SNX29: variants seen among roughly 807,000 people sequenced by gnomAD.
SNX29 encodes sorting nexin 29.
Under a neutral mutation model 102.1 loss-of-function variants are expected in SNX29, and 78 were observed. The ratio of observed to expected loss-of-function variants is 0.76; its 90% CI spans 0.64 to 0.92. SNX29 has a LOEUF of 0.92. SNX29 is among the 40% of genes least tolerant of loss of function. The pLI is 0.00. For synonymous variants in SNX29, 580 were observed against 414.5 expected (o/e 1.40, Z -4.85); for missense variants, 1,280 against 1,061.7 (o/e 1.21, Z -2.86).
intron 18 of SNX29, among the ~76,000 whole-genome samples, chr16:12,435,481 C>T (rs2085494543): frequency 6.6e-6 from 1 of 152,170 alleles, no homozygotes; most frequent in African/African-American, 2.4e-5. Flanking sequence ...CTCTGAGAAC[C>T]TGCCCTGCTT....
chr16:12,371,158 G>A (rs1265166894), intron 16 of SNX29, among the ~76,000 whole-genome samples: 1 of 152,214 alleles, frequency 6.6e-6, no homozygotes, highest in Non-Finnish European at 1.5e-5. Flanking sequence ...AACTGATGTT[G>A]CCAGCCAGGC....
chr16:12,413,246 A>T (rs529355837), intron 18 of SNX29, among the ~76,000 whole-genome samples: 12 of 152,166 alleles, frequency 7.9e-5, no homozygotes, highest in African/African-American at 2.9e-4. Context: ...AAAACGGGAG[A>T]TAAAAACAGT....
At chr16:12,562,470 A>G (rs1486708220) in intron 20 of SNX29, among the ~76,000 whole-genome samples, 2 of 152,210 alleles carry the variant, frequency 1.3e-5, no homozygotes, top group Non-Finnish European at 2.9e-5. Context: ...TTCATAGGCT[A>G]GGAACTCGAG....
In SNX29 at chr16:12,306,374, C is replaced by T. The variant is rs191737813; in HGVS notation, c.1782+28338C>T. On this transcript the variant is annotated intron_variant, in intron 15 of 20. Coordinates refer to ENST00000566228, the MANE Select transcript of SNX29 (RefSeq NM_032167.5). ...TGGCCGAGGGAGGGTATGGGATAGA[C>T]GGTGAGTCAGGTTGTTAAGGCCACA... Among the ~76,000 whole-genome samples, 108 of 151,558 alleles carry T rather than the reference C, an allele frequency of 7.1e-4. 1 individual carries two copies. The highest frequency in any genetic ancestry group is 2.5e-3 in the African/African-American group (104 of 41,376).
Position 12,477,845 on chromosome 16 carries a change from G to C in SNX29, c.2164G>C (p.Ala722Pro), listed in dbSNP as rs776083758. Residue 722 changes from alanine to proline, a missense_variant, in exon 19 of 21, where the codon GCC becomes CCC. Ala to Pro is a conservative substitution (Grantham distance 27). Transcript: ENST00000566228. ...GGCCTACAACTTCCCACCCAAAAAG[G>C]CCATTGGAAACAAGGTACCATCCCG... ...VRAYNFPPKK[A>P]IGNKDAKFVE... The C allele has an allele frequency of 6.2e-7, 1 of 1,607,098 alleles. No homozygotes were observed. The highest frequency in any genetic ancestry group is 1.7e-5 in the Admixed American group (1 of 57,510).
intron 18 of SNX29, among the ~76,000 whole-genome samples, chr16:12,408,525 T>G (rs2084266274): frequency 6.6e-6 from 1 of 152,114 alleles, no homozygotes; most frequent in African/African-American, 2.4e-5. Context: ...GGTGGCTGCT[T>G]GAAAAAGTCC....
intron 15 of SNX29, among the ~76,000 whole-genome samples, chr16:12,349,319 G>A (rs537663758): frequency 2.0e-5 from 3 of 152,318 alleles, no homozygotes; most frequent in Admixed American, 2.0e-4. Flanking sequence ...GAGAGCTATG[G>A]CTACTAGAAT....
chr16:12,006,061 A>G (rs574937948), intron 3 of SNX29, among the ~76,000 whole-genome samples: 132 of 152,150 alleles, frequency 8.7e-4, no homozygotes, highest in Non-Finnish European at 1.6e-3. Flanking sequence ...ATAATAGGCC[A>G]GGCGCTGTGG....
intron 20 of SNX29, among the ~76,000 whole-genome samples, chr16:12,548,412 C>G (rs975507263): frequency 6.6e-6 from 1 of 152,218 alleles, no homozygotes; most frequent in African/African-American, 2.4e-5. Context: ...TAACCTACCT[C>G]TGGCTCCCCA....
chr16:12,187,882 T>A (rs1007391676), intron 13 of SNX29, among the ~76,000 whole-genome samples: 8 of 152,094 alleles, frequency 5.3e-5, no homozygotes, highest in African/African-American at 1.9e-4. Context: ...AAATCCTGCA[T>A]CCCTCGAGGG....
intron 18 of SNX29, among the ~76,000 whole-genome samples, chr16:12,474,195 C>G (rs1057262867): frequency 6.6e-6 from 1 of 152,152 alleles, no homozygotes; most frequent in Non-Finnish European, 1.5e-5. Context: ...CCCATTACTT[C>G]AGCTGAAAAG....
At chr16:12,562,459 C>A (rs1403031053) in intron 20 of SNX29, among the ~76,000 whole-genome samples, 1 of 152,178 alleles carries the variant, frequency 6.6e-6, no homozygotes, top group African/African-American at 2.4e-5. Context: ...TTTGATCCCC[C>A]TTCATAGGCT....
At chr16:12,051,312 G>A (rs566863812) in intron 7 of SNX29, among the ~76,000 whole-genome samples, 1 of 144,926 alleles carries the variant, frequency 6.9e-6, no homozygotes, top group East Asian at 2.0e-4. Flanking sequence ...CTGGGCAATA[G>A]AGCGAGATGC....
At chr16:12,536,866 C>T (rs1220176511) in intron 20 of SNX29, among the ~76,000 whole-genome samples, 2 of 152,256 alleles carry the variant, frequency 1.3e-5, no homozygotes, top group Non-Finnish European at 1.5e-5. Context: ...ATTGTAGCTA[C>T]TTGGGAGGCT....
At chr16:12,261,348 C>G (rs1291915041) in intron 14 of SNX29, among the ~76,000 whole-genome samples, 5 of 140,442 alleles carry the variant, frequency 3.6e-5, no homozygotes, top group Non-Finnish European at 6.1e-5. Flanking sequence ...GTGCGTGCGT[C>G]CCTGGCTGGA....
chr16:12,400,318 G>A (rs2083890036), intron 17 of SNX29, among the ~76,000 whole-genome samples: 4 of 152,270 alleles, frequency 2.6e-5, no homozygotes, highest in Non-Finnish European at 5.9e-5. Context: ...TCTCCCTTTA[G>A]GATTATTATT....
intron 18 of SNX29, among the ~76,000 whole-genome samples, chr16:12,468,869 C>T (rs899460894): frequency 3.3e-4 from 51 of 152,244 alleles, no homozygotes; most frequent in Admixed American, 1.1e-3. Flanking sequence ...AATAAAACAG[C>T]ACAGGCAGTG....
chr16:12,033,205 A>T (rs1414142973), intron 4 of SNX29, among the ~76,000 whole-genome samples: 1 of 151,988 alleles, frequency 6.6e-6, no homozygotes, highest in East Asian at 1.9e-4. Flanking sequence ...AATTGTATAC[A>T]TGGGGAGAAC....
intron 18 of SNX29, among the ~76,000 whole-genome samples, chr16:12,434,814 G>A (rs1474909559): frequency 6.6e-6 from 1 of 152,114 alleles, no homozygotes; most frequent in African/African-American, 2.4e-5. Flanking sequence ...AGAACGGGGG[G>A]ATGCCAGGCC....
Sources: allele counts gnomAD v4.1 joint callset (sites outside exome capture counted in the v4.1 genomes callset), GRCh38; gene constraint gnomAD v4.1.1; transcripts MANE v1.5; gene names NCBI Gene and HGNC (gene_info 2026-07-23, HGNC 2026-07-21).